SGCD: variants seen among roughly 807,000 people sequenced by gnomAD.
The protein encoded by SGCD is sarcoglycan delta.
A neutral mutation model predicts 36.6 loss-of-function variants in SGCD; 18 were observed. The observed-to-expected ratio is 0.49, with a 90% CI of 0.34 to 0.73. SGCD has a LOEUF of 0.73. SGCD is among the 30% of genes least tolerant of loss of function. The pLI is 0.01. For missense variants in SGCD, 387 were observed against 346.7 expected, an observed-to-expected ratio of 1.12 and a Z score of -0.92; for synonymous variants, 133 against 130.6, an observed-to-expected ratio of 1.02 and a Z score of -0.12.
intron 3 of SGCD, among the ~76,000 whole-genome samples, chr5:156,311,840 A>T (rs529329895): frequency 7.2e-5 from 11 of 152,292 alleles, no homozygotes; most frequent in African/African-American, 2.6e-4. Context: ...AAACAAAATG[A>T]GCTTATTTCT....
At chr5:155,810,543 G>A in the SGCD span, among the ~76,000 whole-genome samples, 1 of 151,860 alleles carries the variant, frequency 6.6e-6, no homozygotes, top group Admixed American at 6.6e-5. Context: ...GCTTTTGACT[G>A]GTTGCATCAT....
rs80038221 is a variant in SGCD at position 156,465,502 on chromosome 5, G to C, written c.193-43099G>C. On this transcript the variant is annotated intron_variant, in intron 3 of 8. Coordinates refer to ENST00000337851, the MANE Select transcript of SGCD (RefSeq NM_000337.6). ...GCAAAATTTCTTTTTAGACATCTCC[G>C]TAAGTACAAACGCACAGCACAGTTT... Among the ~76,000 whole-genome samples the C allele has an allele frequency of 8.4e-3, 1,283 of 152,198 alleles. 103 individuals carry two copies. In the East Asian group the frequency reaches 0.2, roughly 23 times the overall value.
chr5:156,080,881 A>G (rs554175028), intron 1 of SGCD, among the ~76,000 whole-genome samples: 66 of 152,248 alleles, frequency 4.3e-4, no homozygotes, highest in Non-Finnish European at 3.5e-4. Context: ...AACTCTTTCA[A>G]TCTCTGCCTG....
chr5:156,708,668 T>TTTGC (rs1754847820), intron 7 of SGCD, among the ~76,000 whole-genome samples: 1 of 151,800 alleles, frequency 6.6e-6, no homozygotes, highest in Non-Finnish European at 1.5e-5. Flanking sequence ...AAATACATTG[T>TTTGC]AAATTCTGCT....
At chr5:156,065,435 G>C (rs1182204874) in intron 1 of SGCD, among the ~76,000 whole-genome samples, 1 of 123,568 alleles carries the variant, frequency 8.1e-6, no homozygotes, top group African/African-American at 3.7e-5. Flanking sequence ...GGAGAGTTCT[G>C]TAGATGTCTA....
At chr5:156,674,782 A>G (rs145754876) in intron 7 of SGCD, among the ~76,000 whole-genome samples, 1 of 152,212 alleles carries the variant, frequency 6.6e-6, no homozygotes, top group Non-Finnish European at 1.5e-5. Flanking sequence ...ATCTGTGACC[A>G]GCATCGACTC....
intron 3 of SGCD, among the ~76,000 whole-genome samples, chr5:156,173,984 T>C (rs886714083): frequency 4.6e-5 from 7 of 152,224 alleles, no homozygotes; most frequent in African/African-American, 1.4e-4. Context: ...GCATAATTAT[T>C]CCTGTTGAAT....
At chr5:156,446,507 A>C (rs535191558) in intron 3 of SGCD, among the ~76,000 whole-genome samples, 1 of 152,236 alleles carries the variant, frequency 6.6e-6, no homozygotes, top group African/African-American at 2.4e-5. Flanking sequence ...AGAAAGACAA[A>C]TCTTAATCAA....
intron 6 of SGCD, among the ~76,000 whole-genome samples, chr5:156,621,948 T>C (rs779246715): frequency 6.6e-5 from 10 of 152,172 alleles, no homozygotes; most frequent in Non-Finnish European, 1.3e-4. Context: ...AACTGACAAA[T>C]AGGCAAGTTC....
Position 156,767,669 on chromosome 5 carries a change from A to C in SGCD, c.*8279A>C, listed in dbSNP as rs999503866. On this transcript the variant is annotated 3_prime_UTR_variant, in exon 9 of 9. Coordinates refer to ENST00000337851, the MANE Select transcript of SGCD (RefSeq NM_000337.6). The stretch of plus-strand genomic sequence containing the variant: ...TTGTAAGCATTTCAATAATGCTATG[A>C]ATTACAAGGAACTATTTTAACTTTA... 7.2e-5 allele frequency: 11 copies of C among 152,194 alleles called. No homozygotes were observed. The highest frequency in any genetic ancestry group is 2.7e-4 in the African/African-American group (11 of 41,452). 9.4% of individuals were successfully genotyped at this position (152,194 alleles called of 1,614,324 possible).
At chr5:156,027,500 C>T (rs1002256264) in intron 1 of SGCD, among the ~76,000 whole-genome samples, 75 of 152,102 alleles carry the variant, frequency 4.9e-4, no homozygotes, top group African/African-American at 1.7e-3. Context: ...AATATGATGA[C>T]AATTGAATAG....
chr5:156,585,338 G>T lies in SGCD; in HGVS notation c.295-3893G>T, dbSNP rs193010321. 7.2e-5 allele frequency among the ~76,000 whole-genome samples: 11 copies of T among 152,238 alleles called. No individual in the cohort carries two copies. In the East Asian group the frequency reaches 2.1e-3, roughly 29 times the overall value. Reference sequence around the variant, plus strand: ...CTATGCTTTTAAAAGGATCAATTCAGAGACAACTTAAAGCATCCTATTGAA... The same window carrying T: ...CTATGCTTTTAAAAGGATCAATTCATAGACAACTTAAAGCATCCTATTGAA... On this transcript the variant is annotated intron_variant, in intron 4 of 8. Transcript: ENST00000337851.
chr5:156,323,660 G>A (rs751862858), upstream of SGCD, among the ~76,000 whole-genome samples: 4 of 152,174 alleles, frequency 2.6e-5, no homozygotes, highest in Non-Finnish European at 4.4e-5. Context: ...ATTTTTAACC[G>A]ACTTCTGTGA....
In SGCD at chr5:156,002,138, C is replaced by T. The variant is rs565594519; in HGVS notation, c.-281-115740C>T. Among the ~76,000 whole-genome samples the T allele has an allele frequency of 3.8e-3, 585 of 152,256 alleles. 3 individuals carry two copies. Among genetic ancestry groups the T allele is most frequent in the Non-Finnish European group, 4.5e-3 (303 of 68,010 alleles). On this transcript the variant is annotated intron_variant, in intron 1 of 9. Transcript: ENST00000517913. ...ATGTGGCTGTGTTTGGAGCTCGCGT[C>T]TTTAAAGAGGTAATTTAGTTAAAAT...
chr5:156,139,472 C>T (rs1012726483), intron 3 of SGCD, among the ~76,000 whole-genome samples: 1 of 152,266 alleles, frequency 6.6e-6, no homozygotes, highest in South Asian at 2.1e-4. Context: ...CTTCTCTTAC[C>T]TCCAATATTA....
chr5:156,179,326 A>T (rs1404947848), intron 3 of SGCD, among the ~76,000 whole-genome samples: 10 of 152,172 alleles, frequency 6.6e-5, no homozygotes, highest in Non-Finnish European at 1.0e-4. Context: ...GCAATTTTTC[A>T]TGGCTATATA....
chr5:156,538,385 G>A (rs1343144084), intron 4 of SGCD, among the ~76,000 whole-genome samples: 2 of 151,976 alleles, frequency 1.3e-5, no homozygotes, highest in Admixed American at 1.3e-4. Context: ...TGAAAATGTA[G>A]GTCAAGAATG....
At chr5:156,517,850 G>T (rs1321944592) in intron 4 of SGCD, among the ~76,000 whole-genome samples, 1 of 152,184 alleles carries the variant, frequency 6.6e-6, no homozygotes, top group Non-Finnish European at 1.5e-5. Flanking sequence ...AGCACTAACT[G>T]TGGAAGGGAA....
At chr5:156,090,494 G>A (rs534601442) in intron 1 of SGCD, among the ~76,000 whole-genome samples, 13 of 152,190 alleles carry the variant, frequency 8.5e-5, no homozygotes, top group Non-Finnish European at 1.3e-4. Flanking sequence ...GCTTCAAAGG[G>A]CAATAAAAGA....
Sources: gnomAD v4.1 joint callset for allele counts (sites outside exome capture counted in the v4.1 genomes callset) on GRCh38, gnomAD v4.1.1 for gene constraint, MANE v1.5 for transcripts, NCBI Gene and HGNC (gene_info 2026-07-23, HGNC 2026-07-21) for gene names.